Variants in STRN observed in about 807,000 individuals in gnomAD.
STRN encodes protein phosphatase 2 regulatory subunit B'''alpha.
A neutral mutation model predicts 96.3 loss-of-function variants in STRN; 53 were observed. That is an observed-to-expected ratio of 0.55 (90% CI 0.44 to 0.69). STRN has a LOEUF of 0.69. Ranked by LOEUF, STRN falls within the 30% of genes least tolerant of loss-of-function variation. The pLI, the probability that STRN is intolerant of heterozygous loss-of-function variation, is 0.00. For synonymous variants in STRN, 428 were observed against 355.9 expected, an observed-to-expected ratio of 1.20 and a Z score of -2.28; for missense variants, 987 against 963.9, an observed-to-expected ratio of 1.02 and a Z score of -0.32.
In STRN at chr2:36,846,710, T is replaced by C. The variant is rs1266703289; in HGVS notation, c.*2746A>G. 1 of 151,942 alleles carries C rather than the reference T, an allele frequency of 6.6e-6. No individual in the cohort carries two copies. Among genetic ancestry groups the C allele is most frequent in the African/African-American group, 2.4e-5 (1 of 41,362 alleles). 9.4% of individuals were successfully genotyped at this position (151,942 alleles called of 1,614,324 possible). A position where few individuals can be genotyped will look rare whatever the true frequency, so the allele number is the denominator to read the frequency against. ...TGTTTAATGGCAAAAGTTGTTAAAC[T>C]TGTTCAATAGAAAAATACTGAAGGT... On this transcript the variant is annotated 3_prime_UTR_variant, in exon 18 of 18. Coordinates refer to ENST00000263918, the MANE Select transcript of STRN (RefSeq NM_003162.4).
chr2:36,924,350 C>T (rs867406789), intron 2 of STRN, among the ~76,000 whole-genome samples: 2 of 92,866 alleles, frequency 2.2e-5, no homozygotes, highest in East Asian at 4.0e-4. Context: ...AGTGAGACTC[C>T]GTTTCAAAAA....
At chr2:36,874,511 A>G (rs1275426758) in intron 10 of STRN, among the ~76,000 whole-genome samples, 1 of 152,166 alleles carries the variant, frequency 6.6e-6, no homozygotes, top group Non-Finnish European at 1.5e-5. Context: ...GAACTTCACA[A>G]AAGTGATGAA....
chr2:36,884,509 C>T (rs1039364219), intron 8 of STRN, among the ~76,000 whole-genome samples: 3 of 152,110 alleles, frequency 2.0e-5, no homozygotes, highest in Non-Finnish European at 4.4e-5. Flanking sequence ...CATGCCCTAC[C>T]GATTACTTAC....
At chr2:36,915,434 A>G (rs1670072416) in intron 3 of STRN, among the ~76,000 whole-genome samples, 1 of 151,364 alleles carries the variant, frequency 6.6e-6, no homozygotes, top group Non-Finnish European at 1.5e-5. Flanking sequence ...CTTCCCTAAT[A>G]CCTACTAATA....
At chr2:36,938,442 AAG>A (rs951095730) in intron 1 of STRN, among the ~76,000 whole-genome samples, 1 of 152,020 alleles carries the variant, frequency 6.6e-6, no homozygotes, top group African/African-American at 2.4e-5. Flanking sequence ...AAAAAAAAAA[AAG>A]AGTTTAAGAA....
At chr2:36,866,347 A>G (rs931808413) in intron 12 of STRN, among the ~76,000 whole-genome samples, 2 of 152,186 alleles carry the variant, frequency 1.3e-5, no homozygotes, top group South Asian at 2.1e-4. Context: ...GATTACAAGC[A>G]TGAGCCCCTG....
chr2:36,966,034 A>T (rs1200133961), intron 1 of STRN, among the ~76,000 whole-genome samples, 196 bp downstream of exon 1: 5 of 147,828 alleles, frequency 3.4e-5, no homozygotes, highest in African/African-American at 4.9e-5. Context: ...CAGGAGCGGG[A>T]GTGAGAACAG....
chr2:36,902,371 TTAAA>T (rs1265632919), intron 5 of STRN, among the ~76,000 whole-genome samples: 8 of 152,192 alleles, frequency 5.3e-5, no homozygotes, highest in South Asian at 2.1e-4. Flanking sequence ...AATATCTGTA[TTAAA>T]TAAATATCAC....
At chr2:36,962,309 A>G (rs1165639055) in intron 1 of STRN, among the ~76,000 whole-genome samples, 1 of 152,174 alleles carries the variant, frequency 6.6e-6, no homozygotes, top group Non-Finnish European at 1.5e-5. Context: ...CCTTTTTCAT[A>G]CAACTCTAAC....
chr2:36,917,471 C>T (rs144852847), intron 2 of STRN, among the ~76,000 whole-genome samples: 3,229 of 149,250 alleles, frequency 0.022, 51 homozygotes, highest in African/African-American at 0.044. Context: ...AGTGAGTGAG[C>T]CAAGATCATG....
intron 9 of STRN, among the ~76,000 whole-genome samples, chr2:36,881,402 A>G (rs1045662606): frequency 6.6e-6 from 1 of 152,146 alleles, no homozygotes; most frequent in Non-Finnish European, 1.5e-5. Flanking sequence ...TGCTGGGATT[A>G]CAGGCGTGAG....
At chr2:36,869,216 G>A (rs1277082343) in intron 11 of STRN, among the ~76,000 whole-genome samples, 1 of 152,126 alleles carries the variant, frequency 6.6e-6, no homozygotes, top group Non-Finnish European at 1.5e-5. Flanking sequence ...TTATTTTAAA[G>A]ATGCATATAC....
At chr2:36,901,300 C>T (rs1162708341) in intron 5 of STRN, among the ~76,000 whole-genome samples, 4 of 152,126 alleles carry the variant, frequency 2.6e-5, no homozygotes, top group African/African-American at 7.2e-5. Flanking sequence ...TGCCGGTAAT[C>T]CCAGTACTTC....
At chr2:36,919,832 G>A (rs1670203509) in intron 2 of STRN, among the ~76,000 whole-genome samples, 1 of 152,086 alleles carries the variant, frequency 6.6e-6, no homozygotes, top group Admixed American at 6.5e-5. Context: ...AGTATTTGAG[G>A]TTCCTCAACA....
At chr2:36,966,045 G>C (rs1665150664) in intron 1 of STRN, among the ~76,000 whole-genome samples, 185 bp downstream of exon 1, 1 of 151,808 alleles carries the variant, frequency 6.6e-6, no homozygotes, top group Non-Finnish European at 1.5e-5. Flanking sequence ...GTGAGAACAG[G>C]GTCGAGGTGG....
In STRN at chr2:36,921,264, C is replaced by T. The variant is rs548500888; in HGVS notation, c.338+3841G>A. On this transcript the variant is annotated intron_variant, in intron 2 of 17. Transcript: ENST00000263918. ...CAGTATACAACTTACTTGGAGTCTA[C>T]TTAGCATCTTCAGTTATTGAACTCC... 2.9e-3 allele frequency among the ~76,000 whole-genome samples: 445 copies of T among 152,224 alleles called. 1 individual carries two copies. Among genetic ancestry groups the T allele is most frequent in the Non-Finnish European group, 4.5e-3 (308 of 67,998 alleles).
At chr2:36,863,741 C>T (rs1221570620) in intron 12 of STRN, among the ~76,000 whole-genome samples, 4 of 152,162 alleles carry the variant, frequency 2.6e-5, no homozygotes, top group Non-Finnish European at 5.9e-5. Flanking sequence ...TTGTAAATTG[C>T]TTTGGGCAGT....
chr2:36,927,890 T>A (rs984378822), intron 1 of STRN, among the ~76,000 whole-genome samples: 8 of 152,152 alleles, frequency 5.3e-5, no homozygotes, highest in Admixed American at 3.3e-4. Flanking sequence ...CAAATATATA[T>A]TTGCACATAT....
chr2:36,928,408 T>C (rs1409279829), intron 1 of STRN, among the ~76,000 whole-genome samples: 1 of 152,044 alleles, frequency 6.6e-6, no homozygotes, highest in Non-Finnish European at 1.5e-5. Context: ...TCCCAGAACT[T>C]TGGGAGGCCG....
Sources: allele counts gnomAD v4.1 joint callset (sites outside exome capture counted in the v4.1 genomes callset), GRCh38; gene constraint gnomAD v4.1.1; transcripts MANE v1.5; gene names NCBI Gene and HGNC (gene_info 2026-07-23, HGNC 2026-07-21).